Variants in GRID2 observed in about 807,000 individuals in gnomAD.
GRID2 encodes glutamate receptor ionotropic, delta-2.
In GRID2, 33 loss-of-function variants were observed where a neutral mutation model predicts 114.8. That is an observed-to-expected ratio of 0.29 (90% CI 0.22 to 0.38). The LOEUF (loss-of-function observed/expected upper bound fraction) is 0.38. Among genes scored for constraint, GRID2 ranks in the 10% least tolerant of loss-of-function variants. The probability of loss-of-function intolerance (pLI) is 1.00; values close to 1 mark genes in which losing one functional copy is unlikely to be tolerated. For synonymous variants in GRID2, 505 were observed against 449.9 expected (o/e 1.12, Z -1.55); for missense variants, 1,184 against 1,257.7 (o/e 0.94, Z 0.89).
chr4:93,432,601 G>T lies in GRID2; in HGVS notation c.1545+9633G>T, dbSNP rs181742805. 2.0e-3 allele frequency among the ~76,000 whole-genome samples: 302 copies of T among 152,248 alleles called. 1 individual carries two copies. Among genetic ancestry groups the T allele is most frequent in the African/African-American group, 7.0e-3 (289 of 41,534 alleles). Reference sequence around the variant, plus strand: ...TAAAATAGCTCAAAATGGAGTGAGGGAGGGAGGGATGAATAGATGAAGCAT... The same window carrying T: ...TAAAATAGCTCAAAATGGAGTGAGGTAGGGAGGGATGAATAGATGAAGCAT... On this transcript the variant is annotated intron_variant, in intron 10 of 15. Coordinates refer to ENST00000282020, the MANE Select transcript of GRID2 (RefSeq NM_001510.4).
chr4:92,837,046 T>C lies in GRID2; in HGVS notation c.244+246760T>C, dbSNP rs1742508354. Among the ~76,000 whole-genome samples the C allele has an allele frequency of 2.0e-5, 3 of 152,174 alleles. No individual in the cohort carries two copies. The South Asian group carries it at 6.2e-4, about 32-fold the overall frequency. ...CACAGAAGGCCAATGACTGAGACTGTGAGAGTATTGCCAAGGAAGTGCTTC... is the reference window on the plus strand; with the variant it reads ...CACAGAAGGCCAATGACTGAGACTGCGAGAGTATTGCCAAGGAAGTGCTTC... On this transcript the variant is annotated intron_variant, in intron 2 of 15. Coordinates refer to ENST00000282020, the MANE Select transcript of GRID2 (RefSeq NM_001510.4).
intron 7 of GRID2, among the ~76,000 whole-genome samples, chr4:93,226,370 A>T (rs992811850): frequency 6.6e-6 from 1 of 152,212 alleles, no homozygotes; most frequent in Non-Finnish European, 1.5e-5. Flanking sequence ...CAGTCATAGG[A>T]TAGACATTTC....
At chr4:92,836,778 T>C (rs1742490497) in intron 2 of GRID2, among the ~76,000 whole-genome samples, 1 of 152,058 alleles carries the variant, frequency 6.6e-6, no homozygotes, top group African/African-American at 2.4e-5. Flanking sequence ...ATGCACTTAA[T>C]TGACTTAGTT....
At chr4:92,588,641 T>C (rs1410461390) in intron 1 of GRID2, among the ~76,000 whole-genome samples, 1 of 126,444 alleles carries the variant, frequency 7.9e-6, no homozygotes, top group South Asian at 2.5e-4. Context: ...ATGGCGCCAC[T>C]GCACTCCAGC....
chr4:92,972,027 A>G (rs998205586), intron 2 of GRID2, among the ~76,000 whole-genome samples: 6 of 152,178 alleles, frequency 3.9e-5, no homozygotes, highest in Admixed American at 6.6e-5. Flanking sequence ...TTATATGCTG[A>G]TTTCCATTCC....
chr4:92,438,870 A>G (rs1172679587), intron 1 of GRID2, among the ~76,000 whole-genome samples: 1 of 152,192 alleles, frequency 6.6e-6, no homozygotes, highest in Non-Finnish European at 1.5e-5. Flanking sequence ...AACAATATCA[A>G]CATTTGGTTT....
At chr4:92,495,120 G>A (rs980191670) in intron 1 of GRID2, among the ~76,000 whole-genome samples, 2 of 151,922 alleles carry the variant, frequency 1.3e-5, no homozygotes, top group African/African-American at 2.4e-5. Flanking sequence ...TGTGTTTCCA[G>A]TCAAGCAAAA....
chr4:93,451,534 A>G (rs919626190), intron 10 of GRID2, among the ~76,000 whole-genome samples: 46 of 152,218 alleles, frequency 3.0e-4, no homozygotes, highest in African/African-American at 1.1e-3. Context: ...AAAGGTGTGT[A>G]GACCATGTTT....
At chr4:92,548,143 T>C (rs1025214511) in intron 1 of GRID2, among the ~76,000 whole-genome samples, 1 of 151,912 alleles carries the variant, frequency 6.6e-6, no homozygotes, top group Non-Finnish European at 1.5e-5. Context: ...TATATAGAAG[T>C]AGAAAAATAT....
chr4:92,989,358 A>G (rs1754724942), intron 2 of GRID2, among the ~76,000 whole-genome samples: 1 of 151,226 alleles, frequency 6.6e-6, no homozygotes, highest in African/African-American at 2.4e-5. Context: ...ATGTGTGTGT[A>G]TATATGTATA....
chr4:92,532,939 G>A (rs1040113037), intron 1 of GRID2, among the ~76,000 whole-genome samples: 1 of 151,954 alleles, frequency 6.6e-6, no homozygotes, highest in Non-Finnish European at 1.5e-5. Context: ...AATTAGGTAG[G>A]TGTGGTGGCG....
intron 13 of GRID2, among the ~76,000 whole-genome samples, chr4:93,559,250 C>G (rs536123874): frequency 6.6e-6 from 1 of 152,218 alleles, no homozygotes; most frequent in East Asian, 1.9e-4. Flanking sequence ...TCTAATTAAA[C>G]TAAAGAGCTT....
At chr4:92,814,179 T>A (rs1262653106) in intron 2 of GRID2, among the ~76,000 whole-genome samples, 1 of 152,182 alleles carries the variant, frequency 6.6e-6, no homozygotes, top group East Asian at 1.9e-4. Context: ...TATTGTGACT[T>A]GATCCTTGGA....
intron 2 of GRID2, among the ~76,000 whole-genome samples, chr4:92,680,998 A>G (rs778081853): frequency 3.3e-5 from 5 of 152,212 alleles, no homozygotes; most frequent in African/African-American, 7.2e-5. Flanking sequence ...AATTTTCTTA[A>G]GAAATACCTA....
intron 1 of GRID2, among the ~76,000 whole-genome samples, chr4:92,390,749 G>C (rs1309918248): frequency 6.6e-6 from 1 of 152,070 alleles, no homozygotes; most frequent in African/African-American, 2.4e-5. Flanking sequence ...CTCAACATAA[G>C]AAAAACACTT....
chr4:92,811,981 T>G (rs1011568612), intron 2 of GRID2, among the ~76,000 whole-genome samples: 1 of 152,118 alleles, frequency 6.6e-6, no homozygotes, highest in African/African-American at 2.4e-5. Flanking sequence ...TTTTTAAATC[T>G]TGAGAATAGG....
chr4:93,673,447 G>A (rs1020776190), intron 14 of GRID2, among the ~76,000 whole-genome samples: 1 of 152,118 alleles, frequency 6.6e-6, no homozygotes, highest in African/African-American at 2.4e-5. Flanking sequence ...CATTTGTACA[G>A]GGCCTTTTTC....
chr4:93,378,158 AT>A (rs948791344), intron 8 of GRID2, among the ~76,000 whole-genome samples: 1 of 152,090 alleles, frequency 6.6e-6, no homozygotes, highest in Non-Finnish European at 1.5e-5. Context: ...CTTTAATCCT[AT>A]TTTTATATGC....
chr4:93,667,264 G>A (rs1245152714), intron 14 of GRID2, among the ~76,000 whole-genome samples: 3 of 151,960 alleles, frequency 2.0e-5, no homozygotes, highest in Non-Finnish European at 2.9e-5. Flanking sequence ...GAAAGAAATG[G>A]TGTGCTTAAA....
Sources: allele counts gnomAD v4.1 joint callset (sites outside exome capture counted in the v4.1 genomes callset), GRCh38; gene constraint gnomAD v4.1.1; transcripts MANE v1.5; gene names NCBI Gene and HGNC (gene_info 2026-07-23, HGNC 2026-07-21).